The following CEP162 variants were observed in gnomAD, a reference collection of about 807,000 sequenced individuals.
CEP162 encodes the protein centrosomal protein 162, also known as centrosomal protein of 162 kDa.
A neutral mutation model predicts 169.2 loss-of-function variants in CEP162; 141 were observed. The observed-to-expected ratio is 0.83, with a 90% CI of 0.73 to 0.96. CEP162 has a LOEUF of 0.96. Among genes scored for constraint, CEP162 ranks in the 40% least tolerant of loss-of-function variants. The pLI, the probability that CEP162 is intolerant of heterozygous loss-of-function variation, is 0.00. For missense variants in CEP162, 1,600 were observed against 1,587.2 expected (o/e 1.01, Z -0.14); for synonymous variants, 540 against 526.4 (o/e 1.03, Z -0.35).
intron 13 of CEP162, among the ~76,000 whole-genome samples, chr6:84,178,764 C>G (rs569120358): frequency 1.2e-3 from 186 of 152,234 alleles, no homozygotes; most frequent in Admixed American, 2.6e-3. Flanking sequence ...CACCCATTAA[C>G]TCATCATTTA....
intron 18 of CEP162, among the ~76,000 whole-genome samples, chr6:84,166,562 T>G (rs912632465): frequency 6.6e-6 from 1 of 152,182 alleles, no homozygotes; most frequent in African/African-American, 2.4e-5. Context: ...TGGGTCTGTC[T>G]TATTTACCTA....
intron 23 of CEP162, among the ~76,000 whole-genome samples, chr6:84,150,128 C>T (rs1318407077): frequency 1.3e-5 from 2 of 152,092 alleles, no homozygotes; most frequent in African/African-American, 2.4e-5. Context: ...ATTTTCAACC[C>T]ATGCATGAGA....
chr6:84,161,401 A>G (rs930761660), intron 20 of CEP162, among the ~76,000 whole-genome samples: 1 of 152,118 alleles, frequency 6.6e-6, no homozygotes, highest in Non-Finnish European at 1.5e-5. Context: ...AAGCTAGAGT[A>G]TTCCAGGCCA....
chr6:84,134,917 T>TACAC (rs1340426213), intron 25 of CEP162, among the ~76,000 whole-genome samples: 46 of 73,570 alleles, frequency 6.3e-4, no homozygotes, highest in African/African-American at 1.9e-3. Flanking sequence ...AAAGATCATA[T>TACAC]ATACACACAC....
At chr6:84,149,535 A>G in intron 24 of CEP162, 27 bp downstream of exon 24, 2 of 1,540,570 alleles carry the variant, frequency 1.3e-6, no homozygotes, top group Non-Finnish European at 1.7e-6. Flanking sequence ...TATTCAAGTC[A>G]AAAGATAAAA....
chr6:84,165,342 T>C (rs557978341), intron 18 of CEP162, among the ~76,000 whole-genome samples: 1 of 152,044 alleles, frequency 6.6e-6, no homozygotes, highest in Admixed American at 6.6e-5. Context: ...AAAAATGGAA[T>C]TCTCAATATG....
At chr6:84,155,765 T>C (rs2099522896) in intron 21 of CEP162, among the ~76,000 whole-genome samples, 2 of 152,150 alleles carry the variant, frequency 1.3e-5, no homozygotes, top group African/African-American at 2.4e-5. Flanking sequence ...CCCATGTGCA[T>C]AGACTGGAAG....
intron 21 of CEP162, among the ~76,000 whole-genome samples, chr6:84,156,425 AT>A (rs1339234989): frequency 2.6e-5 from 4 of 152,176 alleles, no homozygotes; most frequent in Admixed American, 6.6e-5. Context: ...ACGAACACAC[AT>A]TTTTCAAAAG....
intron 5 of CEP162, among the ~76,000 whole-genome samples, chr6:84,214,692 A>G (rs764555399): frequency 2.0e-5 from 3 of 152,202 alleles, no homozygotes; most frequent in African/African-American, 7.2e-5. Flanking sequence ...TAAAATTATG[A>G]TCTTCTTTCC....
chr6:84,126,798 T>C (rs2099509111), intron 25 of CEP162, among the ~76,000 whole-genome samples: 1 of 152,154 alleles, frequency 6.6e-6, no homozygotes, highest in African/African-American at 2.4e-5. Context: ...CTTTCTTTAA[T>C]GCATTAAGTT....
intron 16 of CEP162, 87 bp downstream of exon 16, chr6:84,173,961 A>G (rs1306017507): frequency 1.8e-5 from 20 of 1,100,944 alleles, no homozygotes; most frequent in Non-Finnish European, 2.6e-5. Context: ...CTGGGATTAC[A>G]GGCATAAGCC....
At chr6:84,176,484 A>T (rs780997240) in intron 13 of CEP162, among the ~76,000 whole-genome samples, 23 of 152,162 alleles carry the variant, frequency 1.5e-4, no homozygotes, top group Non-Finnish European at 2.9e-5. Context: ...TCATTAAATG[A>T]ATGGGGTGTG....
rs150529012 is a variant in CEP162 at position 84,185,361 on chromosome 6, A to C, written c.1489T>G (p.Leu497Val). The C allele has an allele frequency of 5.6e-6, 9 of 1,613,526 alleles. No individual in the cohort carries two copies. In the African/African-American group the frequency reaches 6.7e-5, roughly 12 times the overall value. Residue 497 changes from leucine to valine, a missense_variant, in exon 13 of 27, where the codon TTA (leucine) becomes GTA (valine). By Grantham distance (32) the Leu-to-Val change is conservative (BLOSUM62 1). Transcript: ENST00000403245. The stretch of plus-strand genomic sequence containing the variant: ...CCACTCTGGGGTTTCCTTTTAAGTA[A>C]AGGAGGTGCACTTCTGGCCTTCTTG... The part of the protein sequence containing the change: ...PYKKARSAPP[L>V]LKRKPQSGLY...
chr6:84,227,508 G>C (rs2099556204), intron 1 of CEP162, 72 bp downstream of exon 1: 1 of 152,166 alleles, frequency 6.6e-6, no homozygotes. Context: ...AAAGCCCTTC[G>C]CTCGAGTATG....
At chr6:84,138,325 T>C (rs766776242) in intron 25 of CEP162, among the ~76,000 whole-genome samples, 8 of 152,204 alleles carry the variant, frequency 5.3e-5, no homozygotes, top group Admixed American at 2.0e-4. Context: ...AGGTGAGCTC[T>C]AGAGTTGTCC....
At chr6:84,181,610 C>A (rs533742878) in intron 13 of CEP162, among the ~76,000 whole-genome samples, 2 of 152,056 alleles carry the variant, frequency 1.3e-5, no homozygotes, top group African/African-American at 2.4e-5. Context: ...TTGGAACCCA[C>A]GAAACCTTCT....
At chr6:84,212,561 A>G (rs1028399473) in intron 6 of CEP162, among the ~76,000 whole-genome samples, 2 of 151,898 alleles carry the variant, frequency 1.3e-5, no homozygotes, top group Admixed American at 1.3e-4. Flanking sequence ...AAGCCAAAAT[A>G]AGAATAAAAT....
chr6:84,182,923 A>C (rs2099535543), intron 13 of CEP162, among the ~76,000 whole-genome samples: 1 of 152,130 alleles, frequency 6.6e-6, no homozygotes, highest in Non-Finnish European at 1.5e-5. Flanking sequence ...TCTGAACACT[A>C]ATCTCATCTC....
chr6:84,208,769 C>A (rs1452051247), intron 6 of CEP162, among the ~76,000 whole-genome samples: 1 of 152,198 alleles, frequency 6.6e-6, no homozygotes, highest in Non-Finnish European at 1.5e-5. Context: ...TGAGAAAGAA[C>A]ACTGCTTGGG....
Sources: allele counts gnomAD v4.1 joint callset (sites outside exome capture counted in the v4.1 genomes callset), GRCh38; gene constraint gnomAD v4.1.1; transcripts MANE v1.5; gene names NCBI Gene and HGNC (gene_info 2026-07-23, HGNC 2026-07-21).